Variants in FAT1 observed in about 807,000 individuals in gnomAD.
The protein encoded by FAT1 is FAT atypical cadherin 1.
In FAT1, 171 loss-of-function variants were observed where a neutral mutation model predicts 329.8. The ratio of observed to expected loss-of-function variants is 0.52; its 90% CI spans 0.46 to 0.59. FAT1 has a LOEUF of 0.59. FAT1 is among the 20% of genes least tolerant of loss of function. FAT1 has a pLI of 0.00. For synonymous variants in FAT1, 2,233 were observed against 2,228.6 expected (o/e 1.00, Z -0.06); for missense variants, 5,672 against 5,774.4 (o/e 0.98, Z 0.57).
In FAT1 at chr4:186,613,239, A is replaced by C; in HGVS notation, c.9333T>G (p.Ile3111Met). 1 of 1,613,912 alleles carries C rather than the reference A, an allele frequency of 6.2e-7. No homozygotes were observed. The highest frequency in any genetic ancestry group is 8.5e-7 in the Non-Finnish European group (1 of 1,179,804). Residue 3111 changes from isoleucine to methionine, a missense_variant, in exon 13 of 27, where the codon ATT (isoleucine) becomes ATG (methionine). This residue lies in a region of FAT1 where 3,966 missense variants were observed against 3,915.2 expected (regional missense o/e 1.01). Transcript: ENST00000441802. Reference protein sequence around the residue: ...DGGGRFCQASIVLTLEDVNDN... With the variant: ...DGGGRFCQASMVLTLEDVNDN... ...CGTTCACATCTTCTAGCGTGAGCAC[A>C]ATACTGGCTTGGCAGAATCTTCCTC... is the stretch of plus-strand genomic sequence containing the variant.
At chr4:186,627,568 C>A (rs1206304697) in intron 9 of FAT1, among the ~76,000 whole-genome samples, 3 of 152,110 alleles carry the variant, frequency 2.0e-5, no homozygotes, top group Non-Finnish European at 1.5e-5. Flanking sequence ...CCCCAGCAGG[C>A]CCCAGCTCTG....
chr4:186,678,609 TTATA>T lies in FAT1; in HGVS notation c.3266-15000_3266-14997del, dbSNP rs1016396544. Among the ~76,000 whole-genome samples, 5 of 148,724 alleles carry T rather than the reference TTATA, an allele frequency of 3.4e-5. No individual in the cohort carries two copies. The South Asian group carries it at 1.0e-3, about 31-fold the overall frequency. On this transcript the variant is annotated intron_variant, in intron 2 of 26. Coordinates refer to ENST00000441802, the MANE Select transcript of FAT1 (RefSeq NM_005245.4). ...TATTGTATATTATTGATATTATGTATTATATATGTTATTAATATATTATTACTTT... is the reference window on the plus strand; with the variant it reads ...TATTGTATATTATTGATATTATGTATTATGTTATTAATATATTATTACTTT...
At chr4:186,672,491 T>C (rs762683310) in intron 2 of FAT1, among the ~76,000 whole-genome samples, 24 of 152,170 alleles carry the variant, frequency 1.6e-4, no homozygotes, top group Admixed American at 5.9e-4. Flanking sequence ...TGATGTGCCA[T>C]GAGTGCCATT....
At chr4:186,667,213 G>A (rs574368122) in intron 2 of FAT1, among the ~76,000 whole-genome samples, 10 of 152,262 alleles carry the variant, frequency 6.6e-5, no homozygotes, top group South Asian at 2.1e-4. Flanking sequence ...GGCCGTAAGC[G>A]TCCAGACTGC....
In FAT1 at chr4:186,709,510, A is replaced by G. The variant is rs369819026; in HGVS notation, c.318T>C (p.Ala106=). 3.1e-6 allele frequency: 5 copies of G among 1,613,874 alleles called. No individual in the cohort carries two copies. The highest frequency in any genetic ancestry group is 4.2e-6 in the Non-Finnish European group (5 of 1,179,892). The change falls in exon 2 of 27, where the codon GCT becomes GCC. Residue 106 remains alanine (A), a synonymous_variant. Transcript: ENST00000441802. ...GATCCTTCACTTCTCTATTAAGAAT[A>G]GCTGTATTTCCTCCTTTGGTCCTTA... ...LRIRTKGGNT[A]ILNREVKDHY...
chr4:186,612,135 C>G (rs1483385430), intron 13 of FAT1, among the ~76,000 whole-genome samples: 1 of 143,594 alleles, frequency 7.0e-6, no homozygotes, highest in Non-Finnish European at 1.6e-5. Flanking sequence ...TTTTTAAAAA[C>G]CAAACAAAAT....
rs754900698 is a variant in FAT1, at chr4:186,600,158, T to C, written c.11843A>G (p.Asn3948Ser). 3 of 1,613,944 alleles carry C rather than the reference T, an allele frequency of 1.9e-6. No homozygotes were observed. The highest frequency in any genetic ancestry group is 1.3e-5 in the African/African-American group (1 of 74,940). Residue 3948 changes from asparagine to serine, a missense_variant, in exon 22 of 27, where the codon AAC (asparagine) becomes AGC (serine). Physicochemically the swap from Asn to Ser is conservative, Grantham distance 46. Transcript: ENST00000441802. ...PGTLKTLNLD[N>S]YVFFGGHIRQ... ...GATGTGGCCACCAAAAAACACATAG[T>C]TATCCAGGTTCAGGGTTTTCAGAGT...
intron 20 of FAT1, among the ~76,000 whole-genome samples, chr4:186,602,605 T>C (rs561260613): frequency 4.6e-5 from 7 of 152,294 alleles, no homozygotes; most frequent in African/African-American, 2.4e-5. Flanking sequence ...GTGTGAGATA[T>C]GATCACTCTT....
At chr4:186,623,027 C>T (rs1001143377) in intron 9 of FAT1, among the ~76,000 whole-genome samples, 4 of 152,362 alleles carry the variant, frequency 2.6e-5, no homozygotes, top group African/African-American at 9.6e-5. Context: ...GAAACACTTC[C>T]TCTACAGTCT....
chr4:186,660,732 T>C (rs945178901), intron 3 of FAT1, among the ~76,000 whole-genome samples: 26 of 152,176 alleles, frequency 1.7e-4, no homozygotes, highest in African/African-American at 6.3e-4. Context: ...TAGAGAGATT[T>C]AAAAGGGAGA....
intron 2 of FAT1, among the ~76,000 whole-genome samples, chr4:186,702,218 T>C (rs115463182): frequency 0.013 from 1,932 of 152,374 alleles, 46 homozygotes; most frequent in African/African-American, 0.044. Flanking sequence ...CTGTATTTCA[T>C]GAATGCTGAC....
At chr4:186,677,612 G>A (rs1404618276) in intron 2 of FAT1, among the ~76,000 whole-genome samples, 1 of 151,906 alleles carries the variant, frequency 6.6e-6, no homozygotes, top group Admixed American at 6.6e-5. Flanking sequence ...TGAGAGGTAA[G>A]CAATCAAAAC....
intron 2 of FAT1, among the ~76,000 whole-genome samples, chr4:186,665,548 T>C (rs1742396209): frequency 1.3e-5 from 2 of 152,226 alleles, no homozygotes; most frequent in Admixed American, 1.3e-4. Context: ...GGTTGTTTTT[T>C]TCTTGTAAAT....
At chr4:186,724,602 T>A (rs1470804246), upstream of FAT1, among the ~76,000 whole-genome samples, 2 of 152,114 alleles carry the variant, frequency 1.3e-5, no homozygotes, top group African/African-American at 4.8e-5. This position sits in a 1 kb window ranked among gnomAD's most constrained non-coding sequence, Gnocchi z 5.3. Context: ...TGCAAGTTCC[T>A]AGGCAGAGGG....
At chr4:186,605,012 A>G (rs1739033416) in intron 17 of FAT1, among the ~76,000 whole-genome samples, 1 of 151,972 alleles carries the variant, frequency 6.6e-6, no homozygotes, top group Non-Finnish European at 1.5e-5. Flanking sequence ...TGAGGTCAGG[A>G]GTTCGAGACC....
intron 3 of FAT1, among the ~76,000 whole-genome samples, chr4:186,654,736 C>T (rs1348873273): frequency 4.0e-5 from 6 of 151,776 alleles, no homozygotes; most frequent in Non-Finnish European, 5.9e-5. Context: ...ACGGTGAGAC[C>T]CCTGCCTCTA....
rs377530977 is a variant in FAT1 at position 186,603,662 on chromosome 4, T to C, written c.10864A>G (p.Thr3622Ala). 6.2e-6 allele frequency: 10 copies of C among 1,614,032 alleles called. No homozygotes were observed. The highest frequency in any genetic ancestry group is 1.7e-5 in the Admixed American group (1 of 60,030). The change falls in exon 19 of 27, where the codon ACG (threonine) becomes GCG (alanine). Residue 3622 changes from threonine to alanine, a missense_variant. Thr to Ala is a moderately conservative substitution (Grantham distance 58). Coordinates refer to ENST00000441802, the MANE Select transcript of FAT1 (RefSeq NM_005245.4). Reference protein sequence around the residue: ...LNVSVTDGKFTTVADITVHIR... With the variant: ...LNVSVTDGKFATVADITVHIR... ...TGCACTGTGATGTCGGCCACCGTCGTGAACTTCCCATCTGTTACGCTGACA... is the reference window on the plus strand; with the variant it reads ...TGCACTGTGATGTCGGCCACCGTCGCGAACTTCCCATCTGTTACGCTGACA...
intron 2 of FAT1, among the ~76,000 whole-genome samples, chr4:186,677,335 T>C (rs1180292224): frequency 1.3e-5 from 2 of 152,160 alleles, no homozygotes; most frequent in African/African-American, 4.8e-5. Flanking sequence ...ATATGTCCTT[T>C]TATGCTAACG....
At position 186,630,854 on chromosome 4, in the gene FAT1, G is replaced by GTAA. The variant is rs1740550214; in HGVS notation, c.4324-2092_4324-2091insTTA. Among the ~76,000 whole-genome samples the GTAA allele has an allele frequency of 2.6e-5, 4 of 152,218 alleles. No homozygotes were observed. In the South Asian group the frequency reaches 6.2e-4, roughly 24 times the overall value. Reference sequence around the variant, plus strand: ...CCACGATGCTGATGCTCGAGAGAAAGTTAAAGAAGATATGAAAGCAAAGTT... The same window carrying GTAA: ...CCACGATGCTGATGCTCGAGAGAAAGTAATTAAAGAAGATATGAAAGCAAAGTT... On this transcript the variant is annotated intron_variant, in intron 7 of 26. Transcript: ENST00000441802.
Sources: allele counts gnomAD v4.1 joint callset (sites outside exome capture counted in the v4.1 genomes callset), GRCh38; gene constraint gnomAD v4.1.1; regional missense constraint gnomAD v4.1.1; non-coding constraint Gnocchi (gnomAD v3.1); transcripts MANE v1.5; gene names NCBI Gene and HGNC (gene_info 2026-07-23, HGNC 2026-07-21).